The following IL34 variants were observed in gnomAD, a reference collection of about 807,000 sequenced individuals.
IL34 encodes interleukin 34.
In IL34, 17 loss-of-function variants were observed where a neutral mutation model predicts 25.3. The observed-to-expected ratio is 0.67, with a 90% CI of 0.46 to 1.01. The LOEUF (loss-of-function observed/expected upper bound fraction) is 1.01, where lower values mean the gene tolerates loss of function less well. Ranked by LOEUF, IL34 falls within the 50% of genes least tolerant of loss-of-function variation. The pLI is 0.00. For synonymous variants in IL34, 174 were observed against 140.9 expected (o/e 1.23, Z -1.66); for missense variants, 368 against 312.9 (o/e 1.18, Z -1.33).
chr16:70,616,773 G>A (rs1238774748), intron 1 of IL34, among the ~76,000 whole-genome samples: 2 of 152,124 alleles, frequency 1.3e-5, no homozygotes. Flanking sequence ...AGGTGGGGCA[G>A]GAACAAATCA....
chr16:70,586,167 A>G (rs2050692589), intron 1 of IL34, among the ~76,000 whole-genome samples: 1 of 152,130 alleles, frequency 6.6e-6, no homozygotes, highest in Non-Finnish European at 1.5e-5. Context: ...ATGAAACCCT[A>G]TTGTATGTAT....
chr16:70,606,286 T>A (rs2051003185), intron 1 of IL34, among the ~76,000 whole-genome samples: 1 of 151,900 alleles, frequency 6.6e-6, no homozygotes, highest in Non-Finnish European at 1.5e-5. Context: ...TAGTCCCACC[T>A]ACTTGGGAGG....
At chr16:70,601,663 G>T (rs1263819151) in intron 1 of IL34, among the ~76,000 whole-genome samples, 4 of 152,218 alleles carry the variant, frequency 2.6e-5, no homozygotes, top group East Asian at 3.9e-4. Context: ...GCCTCCCCAA[G>T]TACTGAGATT....
At chr16:70,616,185 C>G (rs1173499155) in intron 1 of IL34, among the ~76,000 whole-genome samples, 1 of 152,172 alleles carries the variant, frequency 6.6e-6, no homozygotes, top group Non-Finnish European at 1.5e-5. Flanking sequence ...GTTGCAGGTG[C>G]ATACTGTATA....
intron 1 of IL34, among the ~76,000 whole-genome samples, chr16:70,640,645 T>A (rs976701268): frequency 6.7e-5 from 10 of 148,364 alleles, no homozygotes; most frequent in African/African-American, 1.2e-4. Flanking sequence ...AAAAAAAAGT[T>A]AGTTTTTAAA....
At chr16:70,652,670 ATGC>A (rs1268650037) in intron 1 of IL34, among the ~76,000 whole-genome samples, 1 of 152,192 alleles carries the variant, frequency 6.6e-6, no homozygotes, top group Non-Finnish European at 1.5e-5. Context: ...TATAAAATAA[ATGC>A]TGCTCTGTAC....
chr16:70,660,383 A>C lies in IL34; in HGVS notation c.*196A>C, dbSNP rs889577379. ...TGCCTTCCATAGCTGTCATGGCCTC[A>C]CCTGGAGCGGAGGGGACCTGGGGAC... is the stretch of plus-strand genomic sequence containing the variant. On this transcript the variant is annotated 3_prime_UTR_variant, in exon 6 of 6. Transcript: ENST00000288098. 11 of 532,148 alleles carry C rather than the reference A, an allele frequency of 2.1e-5. No homozygotes were observed. Among genetic ancestry groups the C allele is most frequent in the Admixed American group, 3.7e-5 (1 of 26,908 alleles). The allele number at this position is 532,148 out of a possible 1,614,324, so 33.0% of individuals were successfully genotyped here. A position where few individuals can be genotyped will look rare whatever the true frequency, so the allele number is the denominator to read the frequency against.
At chr16:70,637,171 A>T (rs1185559386) in intron 1 of IL34, among the ~76,000 whole-genome samples, 5 of 151,010 alleles carry the variant, frequency 3.3e-5, no homozygotes, top group Non-Finnish European at 7.4e-5. Flanking sequence ...CCCCTTCCCC[A>T]TTTTTAATTT....
At chr16:70,589,948 A>G (rs1448243994) in intron 1 of IL34, among the ~76,000 whole-genome samples, 3 of 152,186 alleles carry the variant, frequency 2.0e-5, no homozygotes, top group Non-Finnish European at 4.4e-5. Context: ...AAAACAAACG[A>G]AAAAATAGTA....
rs112385962 is a variant in IL34 at position 70,659,925 on chromosome 16, C to A, written c.539-72C>A. ...GGGTAGAGTGGGGGACAAGCACATGCGGCTTGGCTTAGTGGGGAGGGTGGT... is the reference window on the plus strand; with the variant it reads ...GGGTAGAGTGGGGGACAAGCACATGAGGCTTGGCTTAGTGGGGAGGGTGGT... On this transcript the variant is annotated intron_variant, in intron 5 of 5. Transcript: ENST00000288098. The A allele has an allele frequency of 3.4e-6, 5 of 1,489,330 alleles. No homozygotes were observed. In the East Asian group the frequency reaches 9.1e-5, roughly 27 times the overall value. The allele number at this position is 1,489,330 out of a possible 1,614,324, so 92.3% of individuals were successfully genotyped here. A position where few individuals can be genotyped will look rare whatever the true frequency, so the allele number is the denominator to read the frequency against.
intron 1 of IL34, among the ~76,000 whole-genome samples, chr16:70,627,502 G>C (rs988730106): frequency 7.5e-6 from 1 of 133,140 alleles, no homozygotes; most frequent in African/African-American, 2.8e-5. Flanking sequence ...CTTTCTTTGA[G>C]ACAGGCTTTC....
At chr16:70,618,640 C>G (rs1025902126) in intron 1 of IL34, among the ~76,000 whole-genome samples, 1 of 152,156 alleles carries the variant, frequency 6.6e-6, no homozygotes, top group Non-Finnish European at 1.5e-5. Flanking sequence ...GGGTGTGGTC[C>G]TGGCTCTTGT....
At chr16:70,655,350 C>T (rs1406327930) in intron 2 of IL34, among the ~76,000 whole-genome samples, 1 of 150,074 alleles carries the variant, frequency 6.7e-6, no homozygotes, top group Non-Finnish European at 1.5e-5. Context: ...TGCGCCCGGC[C>T]CTTTTTTTTT....
intron 1 of IL34, among the ~76,000 whole-genome samples, chr16:70,617,981 A>T (rs2151833547): frequency 6.6e-6 from 1 of 152,318 alleles, no homozygotes; most frequent in Non-Finnish European, 1.5e-5. Flanking sequence ...GGGCATGTTG[A>T]GTAAAGCTAA....
At chr16:70,654,425 T>G (rs2052160057) in intron 1 of IL34, 113 bp from the exon 2 acceptor site, 15 of 1,385,466 alleles carry the variant, frequency 1.1e-5, no homozygotes, top group Non-Finnish European at 1.5e-5. Flanking sequence ...ACCTTTCCCA[T>G]TGGTGCTTGT....
At chr16:70,657,603 C>T (rs372085220) in intron 4 of IL34, among the ~76,000 whole-genome samples, 105 of 152,138 alleles carry the variant, frequency 6.9e-4, no homozygotes, top group African/African-American at 2.4e-3. Context: ...GGTGAAACCC[C>T]GTCTCTACTA....
At chr16:70,630,277 G>T (rs1004019478) in intron 1 of IL34, among the ~76,000 whole-genome samples, 2 of 151,864 alleles carry the variant, frequency 1.3e-5, no homozygotes, top group South Asian at 2.1e-4. Flanking sequence ...TCTCTCTGTC[G>T]CACAGGCTGG....
At chr16:70,638,440 A>C (rs1363388869) in intron 1 of IL34, among the ~76,000 whole-genome samples, 1 of 151,972 alleles carries the variant, frequency 6.6e-6, no homozygotes, top group Admixed American at 6.6e-5. Flanking sequence ...CTATCAAAAA[A>C]AAAAATAAAG....
chr16:70,625,420 T>C (rs1293420293), intron 1 of IL34, among the ~76,000 whole-genome samples: 1 of 151,960 alleles, frequency 6.6e-6, no homozygotes, highest in East Asian at 1.9e-4. Flanking sequence ...TCTTGCCCCC[T>C]AGAAAAGCGG....
Sources: gnomAD v4.1 joint callset for allele counts (sites outside exome capture counted in the v4.1 genomes callset) on GRCh38, gnomAD v4.1.1 for gene constraint, MANE v1.5 for transcripts, NCBI Gene and HGNC (gene_info 2026-07-23, HGNC 2026-07-21) for gene names.